CNTNAP2: variants seen among roughly 807,000 people sequenced by gnomAD.
The protein encoded by CNTNAP2 is contactin-associated protein-like 2.
A neutral mutation model predicts 155.2 loss-of-function variants in CNTNAP2; 98 were observed. That is an observed-to-expected ratio of 0.63 (90% CI 0.54 to 0.75). The LOEUF (loss-of-function observed/expected upper bound fraction) is 0.75. Ranked by LOEUF, CNTNAP2 falls within the 30% of genes least tolerant of loss-of-function variation. The pLI, the probability that CNTNAP2 is intolerant of heterozygous loss-of-function variation, is 0.00. For synonymous variants in CNTNAP2, 651 were observed against 631.2 expected (o/e 1.03, Z -0.47); for missense variants, 1,727 against 1,688.1 (o/e 1.02, Z -0.40).
chr7:147,999,877 A>T (rs1259768388), intron 15 of CNTNAP2, among the ~76,000 whole-genome samples: 2 of 152,176 alleles, frequency 1.3e-5, no homozygotes, highest in Non-Finnish European at 2.9e-5. Context: ...ACGGGTGAAC[A>T]TTCTCCCTCA....
chr7:148,278,516 G>A (rs1009846114), intron 21 of CNTNAP2, among the ~76,000 whole-genome samples: 5 of 142,880 alleles, frequency 3.5e-5, no homozygotes, highest in African/African-American at 1.1e-4. Flanking sequence ...CTTGCAGTAA[G>A]CCGAGATCGC....
chr7:147,194,879 A>G (rs1802753103), intron 8 of CNTNAP2, among the ~76,000 whole-genome samples: 2 of 152,104 alleles, frequency 1.3e-5, no homozygotes, highest in Admixed American at 1.3e-4. Flanking sequence ...TTGCCTGTTC[A>G]CTTTGATGAT....
chr7:146,276,701 G>T (rs1240515600), intron 1 of CNTNAP2, among the ~76,000 whole-genome samples: 1 of 152,158 alleles, frequency 6.6e-6, no homozygotes, highest in Non-Finnish European at 1.5e-5. Context: ...TAGGTATCAT[G>T]TGACTCTGTG....
At chr7:146,801,217 A>G (rs1223667972) in intron 2 of CNTNAP2, among the ~76,000 whole-genome samples, 1 of 152,116 alleles carries the variant, frequency 6.6e-6, no homozygotes, top group African/African-American at 2.4e-5. Flanking sequence ...TTAAACAACT[A>G]GCTCTGACAT....
At chr7:147,762,296 G>C (rs773975148) in intron 13 of CNTNAP2, among the ~76,000 whole-genome samples, 8 of 151,922 alleles carry the variant, frequency 5.3e-5, no homozygotes, top group Admixed American at 3.3e-4. Context: ...TAGTAACAAA[G>C]TATAGCTGAA....
At chr7:147,983,598 A>G (rs1007235648) in intron 15 of CNTNAP2, among the ~76,000 whole-genome samples, 2 of 152,244 alleles carry the variant, frequency 1.3e-5, no homozygotes, top group African/African-American at 2.4e-5. Flanking sequence ...TATGTTTTAG[A>G]AAGACATAAG....
At chr7:147,008,011 G>A (rs1228863644) in intron 3 of CNTNAP2, among the ~76,000 whole-genome samples, 1 of 152,082 alleles carries the variant, frequency 6.6e-6, no homozygotes, top group Non-Finnish European at 1.5e-5. Context: ...AATATGACAA[G>A]TGTCTAATAC....
At chr7:147,017,804 T>C (rs1342058354) in intron 3 of CNTNAP2, among the ~76,000 whole-genome samples, 4 of 152,088 alleles carry the variant, frequency 2.6e-5, no homozygotes, top group Non-Finnish European at 5.9e-5. Context: ...AGCAGAATAC[T>C]ACAGCTGGTT....
At chr7:146,670,170 T>TTTG (rs1190132221) in intron 1 of CNTNAP2, among the ~76,000 whole-genome samples, 9 of 152,214 alleles carry the variant, frequency 5.9e-5, no homozygotes, top group Non-Finnish European at 1.3e-4. Context: ...GTACATTCTT[T>TTTG]TTGTGTAACT....
At chr7:147,450,251 T>C (rs1797808207) in intron 10 of CNTNAP2, among the ~76,000 whole-genome samples, 3 of 152,246 alleles carry the variant, frequency 2.0e-5, no homozygotes, top group South Asian at 2.1e-4. Flanking sequence ...TGACTTGAAG[T>C]TGGAGATATC....
chr7:147,911,781 G>A (rs1214294789), intron 14 of CNTNAP2, among the ~76,000 whole-genome samples: 1 of 152,136 alleles, frequency 6.6e-6, no homozygotes, highest in Non-Finnish European at 1.5e-5. Context: ...CATGTATCAG[G>A]ATTTTCCCCC....
At chr7:147,747,959 G>C (rs1273833364) in intron 13 of CNTNAP2, among the ~76,000 whole-genome samples, 1 of 152,196 alleles carries the variant, frequency 6.6e-6, no homozygotes, top group African/African-American at 2.4e-5. Flanking sequence ...CCTTGCCAGT[G>C]CATTCCTAAA....
chr7:146,571,022 C>A (rs1346498686), intron 1 of CNTNAP2, among the ~76,000 whole-genome samples: 1 of 151,904 alleles, frequency 6.6e-6, no homozygotes, highest in African/African-American at 2.4e-5. Flanking sequence ...AAATCATTTT[C>A]TTTAATTAAG....
chr7:147,079,659 T>C (rs1190320079), intron 4 of CNTNAP2, among the ~76,000 whole-genome samples: 2 of 151,030 alleles, frequency 1.3e-5, no homozygotes, highest in African/African-American at 4.9e-5. Flanking sequence ...ATACACTCCC[T>C]GCCTGACTCC....
chr7:146,381,031 C>T (rs1358855910), intron 1 of CNTNAP2, among the ~76,000 whole-genome samples: 16 of 151,708 alleles, frequency 1.1e-4, no homozygotes, highest in African/African-American at 3.9e-4. Context: ...ATCTCCTGAC[C>T]TCGTGATCCG....
intron 13 of CNTNAP2, among the ~76,000 whole-genome samples, chr7:147,699,476 G>A (rs1796206489): frequency 6.6e-6 from 1 of 152,000 alleles, no homozygotes; most frequent in Non-Finnish European, 1.5e-5. Context: ...GGGAGAGATA[G>A]CATTAGGAGA....
chr7:146,414,291 G>T (rs1376122993), intron 1 of CNTNAP2, among the ~76,000 whole-genome samples: 4 of 152,196 alleles, frequency 2.6e-5, no homozygotes, highest in Non-Finnish European at 5.9e-5. Context: ...CGATTTTGCT[G>T]ATCAAATCGA....
At chr7:147,157,430 C>A (rs780499639) in intron 8 of CNTNAP2, among the ~76,000 whole-genome samples, 1 of 152,082 alleles carries the variant, frequency 6.6e-6, no homozygotes, top group Non-Finnish European at 1.5e-5. Context: ...ACTGTTTTTG[C>A]AAAGGCCAGT....
chr7:146,578,820 T>C (rs1220358330), intron 1 of CNTNAP2, among the ~76,000 whole-genome samples: 3 of 152,186 alleles, frequency 2.0e-5, no homozygotes, highest in Non-Finnish European at 4.4e-5. Context: ...TGTTACTCGC[T>C]GTAGACAGTT....
Sources: allele counts gnomAD v4.1 joint callset (sites outside exome capture counted in the v4.1 genomes callset), GRCh38; gene constraint gnomAD v4.1.1; transcripts MANE v1.5; gene names NCBI Gene and HGNC (gene_info 2026-07-23, HGNC 2026-07-21).